The following TBC1D32 variants were observed in gnomAD, a reference collection of about 807,000 sequenced individuals.
The protein encoded by TBC1D32 is TBC1 domain family member 32.
In TBC1D32, 151 loss-of-function variants were observed where a neutral mutation model predicts 170.3. The ratio of observed to expected loss-of-function variants is 0.89; its 90% CI spans 0.78 to 1.01. The LOEUF (loss-of-function observed/expected upper bound fraction) is 1.01, where lower values mean the gene tolerates loss of function less well. Among genes scored for constraint, TBC1D32 ranks in the 50% least tolerant of loss-of-function variants. TBC1D32 has a pLI of 0.00. For missense variants in TBC1D32, 1,464 were observed against 1,457.1 expected (o/e 1.00, Z -0.08); for synonymous variants, 498 against 488.0 (o/e 1.02, Z -0.27).
intron 10 of TBC1D32, among the ~76,000 whole-genome samples, chr6:121,294,871 C>T (rs948692058): frequency 2.6e-4 from 40 of 151,978 alleles, no homozygotes; most frequent in Admixed American, 2.6e-3. Flanking sequence ...ATTTGTGGAC[C>T]AACAAATATG....
At chr6:121,189,481 A>G (rs1323695312) in intron 22 of TBC1D32, among the ~76,000 whole-genome samples, 1 of 150,790 alleles carries the variant, frequency 6.6e-6, no homozygotes, top group African/African-American at 2.4e-5. Context: ...TGTTCATTAT[A>G]TTGACCCTAT....
intron 1 of TBC1D32, among the ~76,000 whole-genome samples, chr6:121,332,836 G>C (rs1438351621): frequency 6.6e-6 from 1 of 152,040 alleles, no homozygotes; most frequent in Non-Finnish European, 1.5e-5. Flanking sequence ...TCTAATAACA[G>C]GTATTAGTAG....
chr6:121,175,421 T>G (rs1383317682), intron 22 of TBC1D32, among the ~76,000 whole-genome samples: 1 of 152,202 alleles, frequency 6.6e-6, no homozygotes, highest in African/African-American at 2.4e-5. Flanking sequence ...TTTTAAAATC[T>G]TACAAGTACT....
chr6:121,227,137 T>C (rs953169427), intron 20 of TBC1D32, among the ~76,000 whole-genome samples: 41 of 152,226 alleles, frequency 2.7e-4, no homozygotes, highest in Non-Finnish European at 5.9e-4. Context: ...AAAGCTGTCC[T>C]GGGCTGAATG....
chr6:121,265,940 C>T (rs1311509614), intron 15 of TBC1D32, among the ~76,000 whole-genome samples: 1 of 152,092 alleles, frequency 6.6e-6, no homozygotes, highest in Non-Finnish European at 1.5e-5. Flanking sequence ...GGATTAAAGA[C>T]TTGAATGCAA....
intron 26 of TBC1D32, among the ~76,000 whole-genome samples, chr6:121,125,413 G>T (rs1380244363): frequency 6.6e-6 from 1 of 152,124 alleles, no homozygotes; most frequent in East Asian, 1.9e-4. Context: ...TTCCCAGCAG[G>T]TCTCTGTATA....
rs1480437460 is a variant in TBC1D32 at position 121,080,437 on chromosome 6, A to C, written c.*334T>G. Reference sequence around the variant, plus strand: ...CACCATTTTGGCCAGGATGGTCTCGATCTCTTGACCTCGTGATCCGCCCAC... The same window carrying C: ...CACCATTTTGGCCAGGATGGTCTCGCTCTCTTGACCTCGTGATCCGCCCAC... On this transcript the variant is annotated 3_prime_UTR_variant, in exon 32 of 32. Coordinates refer to ENST00000398212, the MANE Select transcript of TBC1D32 (RefSeq NM_152730.6). 1 of 249,934 alleles carries C rather than the reference A, an allele frequency of 4.0e-6. No individual in the cohort carries two copies. The highest frequency in any genetic ancestry group is 8.3e-6 in the Non-Finnish European group (1 of 120,564). The allele number at this position is 249,934 out of a possible 1,614,324, so 15.5% of individuals were successfully genotyped here.
At chr6:121,235,378 G>C (rs1796209714) in intron 20 of TBC1D32, among the ~76,000 whole-genome samples, 1 of 152,152 alleles carries the variant, frequency 6.6e-6, no homozygotes. Context: ...AGGGGGCAGG[G>C]AGAGGCGTGT....
At chr6:121,178,884 G>T (rs1788141156) in intron 22 of TBC1D32, among the ~76,000 whole-genome samples, 1 of 152,154 alleles carries the variant, frequency 6.6e-6, no homozygotes, top group East Asian at 1.9e-4. Context: ...CCAACAACCT[G>T]TGTGAGTTAG....
intron 24 of TBC1D32, among the ~76,000 whole-genome samples, chr6:121,157,876 T>C (rs754326146): frequency 6.6e-5 from 10 of 152,172 alleles, no homozygotes; most frequent in Non-Finnish European, 1.3e-4. Context: ...AGTCTGTTGC[T>C]AGCATGATGA....
chr6:121,125,400 C>T (rs900124646), intron 26 of TBC1D32, among the ~76,000 whole-genome samples: 6 of 152,082 alleles, frequency 3.9e-5, no homozygotes, highest in Admixed American at 6.6e-5. Context: ...CAGATAGGTG[C>T]GCTTCCCAGC....
At chr6:121,082,023 C>T (rs1419021721) in intron 31 of TBC1D32, among the ~76,000 whole-genome samples, 1 of 151,958 alleles carries the variant, frequency 6.6e-6, no homozygotes, top group Non-Finnish European at 1.5e-5. Flanking sequence ...AGAACAAATA[C>T]CTTCCAATGT....
At chr6:121,085,356 T>TAC (rs1562426288) in intron 31 of TBC1D32, among the ~76,000 whole-genome samples, 15 of 101,154 alleles carry the variant, frequency 1.5e-4, no homozygotes, top group Admixed American at 5.6e-4. Context: ...CATACATATA[T>TAC]ATACATATAT....
intron 22 of TBC1D32, among the ~76,000 whole-genome samples, chr6:121,191,151 G>A (rs1190563463): frequency 6.6e-6 from 1 of 151,718 alleles, no homozygotes; most frequent in Non-Finnish European, 1.5e-5. Flanking sequence ...ACATATATTT[G>A]GATATATACA....
chr6:121,093,342 A>C (rs989214749), intron 30 of TBC1D32, among the ~76,000 whole-genome samples: 5 of 152,156 alleles, frequency 3.3e-5, no homozygotes, highest in Non-Finnish European at 5.9e-5. Context: ...AGTCAGTAGT[A>C]CTTTGACTAG....
At chr6:121,170,507 C>T (rs770791008) in intron 22 of TBC1D32, 2 of 1,593,410 alleles carry the variant, frequency 1.3e-6, no homozygotes, top group South Asian at 2.3e-5. Flanking sequence ...GTCCAGATCA[C>T]AGCATATCAC....
At chr6:121,204,992 T>C (rs564574488) in intron 22 of TBC1D32, 83 bp downstream of exon 22, 2 of 742,290 alleles carry the variant, frequency 2.7e-6, no homozygotes, top group Admixed American at 6.3e-5. Context: ...TAATTTTAAA[T>C]ACTTTTTTAA....
chr6:121,196,192 T>C (rs1044221364), intron 22 of TBC1D32, among the ~76,000 whole-genome samples: 2 of 152,176 alleles, frequency 1.3e-5, no homozygotes, highest in Admixed American at 1.3e-4. Context: ...CAGCCACCCC[T>C]GTCATCACCC....
At chr6:121,227,383 A>AT (rs1795205519) in intron 20 of TBC1D32, among the ~76,000 whole-genome samples, 1 of 152,132 alleles carries the variant, frequency 6.6e-6, no homozygotes, top group African/African-American at 2.4e-5. Context: ...TTATACTTAC[A>AT]TAATATAATG....
Sources: gnomAD v4.1 joint callset for allele counts (sites outside exome capture counted in the v4.1 genomes callset) on GRCh38, gnomAD v4.1.1 for gene constraint, MANE v1.5 for transcripts, NCBI Gene and HGNC (gene_info 2026-07-23, HGNC 2026-07-21) for gene names.